RMND5A: variants seen among roughly 807,000 people sequenced by gnomAD.
The protein encoded by RMND5A is required for meiotic nuclear division 5 homolog A.
Under a neutral mutation model 49.7 loss-of-function variants are expected in RMND5A, and 17 were observed. The observed-to-expected ratio is 0.34, with a 90% CI of 0.23 to 0.51. The LOEUF is 0.51. RMND5A is among the 20% of genes least tolerant of loss of function. The probability of loss-of-function intolerance (pLI) is 0.96; values close to 1 mark genes in which losing one functional copy is unlikely to be tolerated. For synonymous variants in RMND5A, 156 were observed against 167.7 expected (o/e 0.93, Z 0.54); for missense variants, 255 against 471.3 (o/e 0.54, Z 4.25).
rs1431844200 is a variant in RMND5A, at chr2:86,738,567, GT to G, written c.143-2350del. On this transcript the variant is annotated intron_variant, in intron 1 of 8. Coordinates refer to ENST00000283632, the MANE Select transcript of RMND5A (RefSeq NM_022780.4). ...CAAAAAAAAAAAATGTTTTTTGTGG[GT>G]TTTTTTTTTAATTAGTTTACATGCC... is the stretch of plus-strand genomic sequence containing the variant. Among the ~76,000 whole-genome samples, 19 of 54,906 alleles carry G rather than the reference GT, an allele frequency of 3.5e-4. 6 individuals are homozygous for G. Among genetic ancestry groups the G allele is most frequent in the Non-Finnish European group, 5.8e-4 (17 of 29,068 alleles). 36.0% of individuals were successfully genotyped at this position (54,906 alleles called of 152,430 possible).
intron 4 of RMND5A, among the ~76,000 whole-genome samples, chr2:86,762,810 G>A (rs1029334658): frequency 6.6e-6 from 1 of 151,052 alleles, no homozygotes; most frequent in Non-Finnish European, 1.5e-5. Flanking sequence ...GGAGGCCAAG[G>A]CGGGAGGATG....
intron 1 of RMND5A, chr2:86,721,113 A>G (rs1681206087): frequency 7.8e-6 from 2 of 256,524 alleles, no homozygotes; most frequent in Non-Finnish European, 1.5e-5. Flanking sequence ...CAAACTGCCG[A>G]CCCCCGAGTG....
chr2:86,760,965 A>AGTGTGTGTGTGTGT (rs35942120), intron 4 of RMND5A, among the ~76,000 whole-genome samples: 13 of 145,330 alleles, frequency 8.9e-5, no homozygotes, highest in African/African-American at 2.1e-4. Flanking sequence ...GAGAGAGAGA[A>AGTGTGTGTGTGTGT]GTGTGTGTGT....
intron 4 of RMND5A, among the ~76,000 whole-genome samples, chr2:86,758,665 T>C (rs1263377566): frequency 1.3e-5 from 2 of 152,184 alleles, no homozygotes; most frequent in Non-Finnish European, 2.9e-5. Flanking sequence ...TGTGGTTTCT[T>C]AAATAGCATG....
intron 6 of RMND5A, among the ~76,000 whole-genome samples, chr2:86,767,758 A>G (rs1054093958): frequency 1.3e-5 from 2 of 152,254 alleles, no homozygotes; most frequent in Non-Finnish European, 2.9e-5. Flanking sequence ...TCTGCAGCGA[A>G]CCTTTAGAAA....
chr2:86,764,042 A>C (rs368184435), intron 4 of RMND5A, among the ~76,000 whole-genome samples: 21 of 152,342 alleles, frequency 1.4e-4, no homozygotes, highest in African/African-American at 5.1e-4. Context: ...GTTAGGACCC[A>C]GTAAAAGTGC....
chr2:86,728,364 T>G (rs1344892516), intron 1 of RMND5A, among the ~76,000 whole-genome samples: 1 of 70,186 alleles, frequency 1.4e-5, no homozygotes, highest in Non-Finnish European at 2.9e-5. Context: ...TAGGCTGGAG[T>G]GCAGTGGTGT....
At chr2:86,752,419 A>G (rs1327557468) in intron 3 of RMND5A, among the ~76,000 whole-genome samples, 1 of 152,234 alleles carries the variant, frequency 6.6e-6, no homozygotes, top group Non-Finnish European at 1.5e-5. Flanking sequence ...AAACGATTTT[A>G]TCAAATGAAT....
chr2:86,734,655 A>G (rs1289999283), intron 1 of RMND5A, among the ~76,000 whole-genome samples: 5 of 140,446 alleles, frequency 3.6e-5, no homozygotes. Context: ...GGATTTCACC[A>G]TATTGGCCAG....
rs1681181094 is a variant in RMND5A at position 86,720,564 on chromosome 2, C to G, written c.-104C>G. The G allele has an allele frequency of 9.4e-7, 1 of 1,069,456 alleles. No homozygotes were observed. The highest frequency in any genetic ancestry group is 1.8e-5 in the African/African-American group (1 of 57,140). The allele number at this position is 1,069,456 out of a possible 1,614,324, so 66.2% of individuals were successfully genotyped here. On this transcript the variant is annotated 5_prime_UTR_variant, in exon 1 of 9. Coordinates refer to ENST00000283632, the MANE Select transcript of RMND5A (RefSeq NM_022780.4). ...GCCTCGGCCGCCTCAGCCTCCCGCGCCGCCCGCTTGGGGAACGAGGAGCAG... is the reference window on the plus strand; with the variant it reads ...GCCTCGGCCGCCTCAGCCTCCCGCGGCGCCCGCTTGGGGAACGAGGAGCAG...
chr2:86,762,658 A>AAT (rs1553427750), intron 4 of RMND5A, among the ~76,000 whole-genome samples: 1 of 124,730 alleles, frequency 8.0e-6, no homozygotes, highest in African/African-American at 3.2e-5. Context: ...AAAAAAAAAT[A>AAT]TTTTTTTATA....
chr2:86,757,992 C>A (rs1440517452), intron 4 of RMND5A, among the ~76,000 whole-genome samples: 1 of 152,156 alleles, frequency 6.6e-6, no homozygotes, highest in East Asian at 1.9e-4. Context: ...GCTAAAATGT[C>A]CTGATGCCAT....
rs1252165426 is a variant in RMND5A at position 86,774,799 on chromosome 2, A to G, written c.*1388A>G. On this transcript the variant is annotated 3_prime_UTR_variant, in exon 9 of 9. Transcript: ENST00000283632. ...ACACAGAAGCAAAGAGAAATGTGGC[A>G]CTTCACATTTTAAACTACAGATGGA... 1 of 152,688 alleles carries G rather than the reference A, an allele frequency of 6.5e-6. No individual in the cohort carries two copies. The highest frequency in any genetic ancestry group is 2.4e-5 in the African/African-American group (1 of 41,470). 9.5% of individuals were successfully genotyped at this position (152,688 alleles called of 1,614,324 possible). A position where few individuals can be genotyped will look rare whatever the true frequency, so the allele number is the denominator to read the frequency against.
intron 4 of RMND5A, among the ~76,000 whole-genome samples, chr2:86,755,334 G>A (rs1681714767): frequency 2.0e-5 from 3 of 152,190 alleles, no homozygotes; most frequent in Admixed American, 2.0e-4. Flanking sequence ...GCTCAGGCTG[G>A]TCTCAAACTT....
At chr2:86,758,295 T>C (rs1247555232) in intron 4 of RMND5A, among the ~76,000 whole-genome samples, 1 of 152,222 alleles carries the variant, frequency 6.6e-6, no homozygotes, top group Non-Finnish European at 1.5e-5. Flanking sequence ...GGTTGCATAC[T>C]ATACACAGTG....
At chr2:86,735,550 C>CT (rs560392335) in intron 1 of RMND5A, among the ~76,000 whole-genome samples, 1 of 1,430 alleles carries the variant, frequency 7.0e-4, no homozygotes, top group East Asian at 7.8e-3. Flanking sequence ...AATCCTTGAC[C>CT]TTTTTTTTTT....
intron 2 of RMND5A, among the ~76,000 whole-genome samples, chr2:86,751,587 T>C (rs1170472554): frequency 6.6e-6 from 1 of 152,238 alleles, no homozygotes; most frequent in African/African-American, 2.4e-5. Context: ...CAGGTCATCA[T>C]TGCATTCCTC....
chr2:86,768,968 CAG>C (rs1211032116), intron 6 of RMND5A, among the ~76,000 whole-genome samples: 2 of 152,104 alleles, frequency 1.3e-5, no homozygotes, highest in African/African-American at 2.4e-5. Flanking sequence ...CTTTTTGAAA[CAG>C]GGTCTCATTC....
chr2:86,764,231 T>C (rs1672554614), intron 4 of RMND5A, among the ~76,000 whole-genome samples: 1 of 152,220 alleles, frequency 6.6e-6, no homozygotes, highest in African/African-American at 2.4e-5. Flanking sequence ...AATTAAATAA[T>C]ATAATGCTAA....
Sources: gnomAD v4.1 joint callset for allele counts (sites outside exome capture counted in the v4.1 genomes callset) on GRCh38, gnomAD v4.1.1 for gene constraint, MANE v1.5 for transcripts, NCBI Gene and HGNC (gene_info 2026-07-23, HGNC 2026-07-21) for gene names.